SH3TC2: variants seen among roughly 807,000 people sequenced by gnomAD.
SH3TC2 encodes SH3 domain and tetratricopeptide repeat-containing protein 2.
A neutral mutation model predicts 124.5 loss-of-function variants in SH3TC2; 87 were observed. That is an observed-to-expected ratio of 0.70 (90% confidence interval 0.59 to 0.84). The LOEUF is 0.84. Among genes scored for constraint, SH3TC2 ranks in the 40% least tolerant of loss-of-function variants. SH3TC2 has a pLI of 0.00. For missense variants in SH3TC2, 1,536 were observed against 1,566.4 expected, an observed-to-expected ratio of 0.98 and a Z score of 0.33; for synonymous variants, 634 against 628.5, an observed-to-expected ratio of 1.01 and a Z score of -0.13.
rs753775570 is a variant in SH3TC2, at chr5:149,031,560, G to A, written c.1129C>T (p.Arg377Trp). Reference sequence around the variant, plus strand: ...TCTGAGGACCAACACTCACTGAGCCGGTAGACAGATGTGATGTCAGTGCGA... The same window carrying A: ...TCTGAGGACCAACACTCACTGAGCCAGTAGACAGATGTGATGTCAGTGCGA... ...LARTDITSVY[R>W]LSGFESIQNP... The change falls in exon 9 of 17, where the codon CGG becomes TGG. Residue 377 changes from arginine (R) to tryptophan (W), a missense_variant. Coordinates refer to ENST00000515425, the MANE Select transcript of SH3TC2 (RefSeq NM_024577.4). 61 of 1,613,982 alleles carry A rather than the reference G, an allele frequency of 3.8e-5. No individual in the cohort carries two copies. Among genetic ancestry groups the A allele is most frequent in the East Asian group, 6.7e-5 (3 of 44,882 alleles).
rs1464989123 is a variant in SH3TC2 at position 148,998,989 on chromosome 5, A to T, written c.*5722T>A. On this transcript the variant is annotated 3_prime_UTR_variant, in exon 17 of 17. Transcript: ENST00000515425. ...GCTTAACGGTGTGGGACCCAGGAAT[A>T]GATGTGCTTATTAAGAATCTACTCA... is the stretch of plus-strand genomic sequence containing the variant. 6.6e-6 allele frequency among the ~76,000 whole-genome samples: 1 copy of T among 152,194 alleles called. No homozygotes were observed. Among genetic ancestry groups the T allele is most frequent in the Non-Finnish European group, 1.5e-5 (1 of 68,040 alleles).
rs1753410390 is a variant in SH3TC2 at position 148,990,873 on chromosome 5, C to T, written c.*13838G>A. ...ACATTATCTCTTTTAATTTTCACAG[C>T]AATTCTATAAGGCAAGTTCTGGGAT... is the stretch of plus-strand genomic sequence containing the variant. On this transcript the variant is annotated 3_prime_UTR_variant, in exon 17 of 17. Transcript: ENST00000515425. Among the ~76,000 whole-genome samples the T allele has an allele frequency of 6.6e-6, 1 of 152,128 alleles. No individual in the cohort carries two copies.
At position 149,027,154 on chromosome 5, in the gene SH3TC2, G is replaced by C. The variant is rs139958177; in HGVS notation, c.2578C>G (p.Leu860Val). ...GRVNRAAKSYLRALNRAQEVG... is the reference protein window; with the variant it reads ...GRVNRAAKSYVRALNRAQEVG... ...TCCTGGGCTCTGTTCAAGGCCCGAA[G>C]ATAGCTCTTGGCTGCCCTGTTCACC... The change falls in exon 11 of 17, where the codon CTT becomes GTT. Residue 860 changes from leucine to valine, a missense_variant. Leu to Val is a conservative substitution (Grantham distance 32, BLOSUM62 1). Coordinates refer to ENST00000515425, the MANE Select transcript of SH3TC2 (RefSeq NM_024577.4). 3.1e-6 allele frequency: 5 copies of C among 1,614,108 alleles called. No homozygotes were observed. The highest frequency in any genetic ancestry group is 1.7e-5 in the Admixed American group (1 of 60,014).
intron 3 of SH3TC2, 169 bp from the exon 4 acceptor site, chr5:149,044,807 G>A: frequency 4.9e-6 from 3 of 609,110 alleles, no homozygotes; most frequent in South Asian, 3.8e-5. Context: ...TGGTTAAAAT[G>A]GAGTACAATT....
chr5:149,027,647 T>A lies in SH3TC2; in HGVS notation c.2085A>T (p.Gln695His), dbSNP rs748171586. 1.2e-6 allele frequency: 2 copies of A among 1,614,122 alleles called. No individual in the cohort carries two copies. Among genetic ancestry groups the A allele is most frequent in the Admixed American group, 3.3e-5 (2 of 60,012 alleles). ...TCCCTTGGGCACTCTGGATACCATG[T>A]TGCTGGACAGAGGCCACTGCAAGGT... ...LPHLAVASVQ[Q>H]HGIQSAQGMS... Residue 695 changes from glutamine (Q) to histidine (H), a missense_variant, in exon 11 of 17, where the codon CAA becomes CAT. Coordinates refer to ENST00000515425, the MANE Select transcript of SH3TC2 (RefSeq NM_024577.4).
At chr5:149,042,896 A>C in intron 4 of SH3TC2, 59 bp from the exon 5 acceptor site, 2 of 1,605,388 alleles carry the variant, frequency 1.2e-6, no homozygotes. Context: ...AGCTGAGCAC[A>C]GAAGAGAGTG....
intron 12 of SH3TC2, among the ~76,000 whole-genome samples, chr5:149,024,521 A>G (rs1318628104): frequency 6.6e-6 from 1 of 152,268 alleles, no homozygotes. Context: ...TCAGTGTCAG[A>G]ATAGCATAGC....
chr5:149,033,176 C>T (rs751776916), intron 8 of SH3TC2, among the ~76,000 whole-genome samples: 2 of 152,160 alleles, frequency 1.3e-5, no homozygotes, highest in African/African-American at 2.4e-5. Context: ...AGGTCTTCTA[C>T]CTCTGCGTGC....
intron 12 of SH3TC2, among the ~76,000 whole-genome samples, chr5:149,013,769 A>T (rs533538418): frequency 1.3e-5 from 2 of 152,214 alleles, no homozygotes; most frequent in Non-Finnish European, 2.9e-5. Context: ...TCAGTATTCA[A>T]AAACAAGGAA....
In SH3TC2 at chr5:148,987,809, C is replaced by CTGTG. The variant is rs71957589; in HGVS notation, c.*16898_*16901dup. The stretch of plus-strand genomic sequence containing the variant: ...CCTCACTCGAGGCCTCATTCAAAAT[C>CTGTG]TGTGTGTGTGTGTGTGTGTGTGTGT... On this transcript the variant is annotated 3_prime_UTR_variant, in exon 17 of 17. Transcript: ENST00000515425. Among the ~76,000 whole-genome samples, 9,775 of 135,294 alleles carry CTGTG rather than the reference C, an allele frequency of 0.072. 381 individuals are homozygous for CTGTG. The highest frequency in any genetic ancestry group is 0.093 in the African/African-American group (3,359 of 36,156). 88.8% of individuals were successfully genotyped at this position (135,294 alleles called of 152,430 possible). A position where few individuals can be genotyped will look rare whatever the true frequency, so the allele number is the denominator to read the frequency against.
At position 148,997,262 on chromosome 5, in the gene SH3TC2, T is replaced by C. The variant is rs752431678; in HGVS notation, c.*7449A>G. Reference sequence around the variant, plus strand: ...CTCAGATGTCCATAGTCTTCTACGATTGGCTCTGGAGTCTCTTGCAAGTTT... The same window carrying C: ...CTCAGATGTCCATAGTCTTCTACGACTGGCTCTGGAGTCTCTTGCAAGTTT... On this transcript the variant is annotated 3_prime_UTR_variant, in exon 17 of 17. Coordinates refer to ENST00000515425, the MANE Select transcript of SH3TC2 (RefSeq NM_024577.4). 1.3e-4 allele frequency among the ~76,000 whole-genome samples: 20 copies of C among 152,246 alleles called. No homozygotes were observed. The highest frequency in any genetic ancestry group is 3.9e-4 in the Admixed American group (6 of 15,292).
In SH3TC2 at chr5:149,038,501, T is replaced by C. The variant is rs904258121; in HGVS notation, c.806-11A>G. 1.5e-5 allele frequency: 24 copies of C among 1,613,598 alleles called. No individual in the cohort carries two copies. The highest frequency in any genetic ancestry group is 2.2e-5 in the East Asian group (1 of 44,890). On this transcript the variant is annotated splice_polypyrimidine_tract_variant and intron_variant, in intron 7 of 16. Coordinates refer to ENST00000515425, the MANE Select transcript of SH3TC2 (RefSeq NM_024577.4). ...TACAGCGTCCTCTGCCTGTGGAAAA[T>C]AGCACACAGATCAGCTACAGAAGAC...
intron 9 of SH3TC2, among the ~76,000 whole-genome samples, chr5:149,029,757 A>C (rs1754151378): frequency 6.6e-6 from 1 of 152,064 alleles, no homozygotes; most frequent in South Asian, 2.1e-4. Flanking sequence ...CCAAGAAGAC[A>C]CCTTGGGTTT....
intron 13 of SH3TC2, 21 bp from the exon 14 acceptor site, chr5:149,010,413 T>C: frequency 6.2e-7 from 1 of 1,613,294 alleles, no homozygotes; most frequent in South Asian, 1.1e-5. Flanking sequence ...CAGAGACAGC[T>C]GTTAAAGGCA....
intron 1 of SH3TC2, among the ~76,000 whole-genome samples, chr5:149,055,275 T>C (rs965512275): frequency 1.2e-4 from 19 of 152,180 alleles, no homozygotes; most frequent in African/African-American, 4.3e-4. Context: ...TACGTATGTA[T>C]AGTTATCAAA....
rs57301725 is a variant in SH3TC2, at chr5:148,994,600, A to ATGGTTGGT, written c.*10103_*10110dup. Among the ~76,000 whole-genome samples the ATGGTTGGT allele has an allele frequency of 5.1e-4, 72 of 140,678 alleles. 1 individual carries two copies. The highest frequency in any genetic ancestry group is 3.5e-3 in the Middle Eastern group (1 of 284). 92.3% of individuals were successfully genotyped at this position (140,678 alleles called of 152,430 possible). On this transcript the variant is annotated 3_prime_UTR_variant, in exon 17 of 17. Transcript: ENST00000515425. ...GGTATGTGGGTGGTTGGGTGGTTAG[A>ATGGTTGGT]TGGTTGGTTGGTTGGTTGGTTGGTT...
At chr5:149,034,656 G>A in intron 8 of SH3TC2, 1 of 164,066 alleles carries the variant, frequency 6.1e-6, no homozygotes, top group Middle Eastern at 5.8e-4. Flanking sequence ...CAACTTTATA[G>A]AATGAATGAA....
intron 9 of SH3TC2, 40 bp downstream of exon 9, chr5:149,031,514 G>C (rs1468956067): frequency 1.6e-5 from 26 of 1,613,626 alleles, no homozygotes; most frequent in Non-Finnish European, 2.2e-5. Flanking sequence ...TATTCTTGAG[G>C]ACCCCAGGCT....
At chr5:149,048,082 C>A in intron 2 of SH3TC2, 93 bp from the exon 3 acceptor site, 11 of 1,545,212 alleles carry the variant, frequency 7.1e-6, no homozygotes, top group Non-Finnish European at 9.8e-6. Flanking sequence ...TACATGTATA[C>A]CTGAACCCTC....
Sources: allele counts gnomAD v4.1 joint callset (sites outside exome capture counted in the v4.1 genomes callset), GRCh38; gene constraint gnomAD v4.1.1; transcripts MANE v1.5; gene names NCBI Gene and HGNC (gene_info 2026-07-23, HGNC 2026-07-21).